CA2: variants seen among roughly 807,000 people sequenced by gnomAD.
CA2 encodes carbonic anhydrase 2.
Under a neutral mutation model 27.8 loss-of-function variants are expected in CA2, and 23 were observed. That is an observed-to-expected ratio of 0.83 (90% CI 0.59 to 1.17). The LOEUF (loss-of-function observed/expected upper bound fraction) is 1.17, where lower values mean the gene tolerates loss of function less well. CA2 is among the 50% of genes most tolerant of loss of function. The pLI is 0.00. For synonymous variants in CA2, 99 were observed against 114.9 expected (o/e 0.86, Z 0.88); for missense variants, 300 against 314.7 (o/e 0.95, Z 0.35).
rs771629930 is a variant in CA2 at position 85,465,488 on chromosome 8, A to G, written c.232+19A>G. 5.0e-6 allele frequency: 8 copies of G among 1,602,478 alleles called. No individual in the cohort carries two copies. In the East Asian group the frequency reaches 1.8e-4, roughly 36 times the overall value. On this transcript the variant is annotated intron_variant, in intron 2 of 6. Coordinates refer to ENST00000285379, the MANE Select transcript of CA2 (RefSeq NM_000067.3). Reference sequence around the variant, plus strand: ...AAAGCAGGTCAGTGTTTAGAAAATAACTTGTGTCTTTTAGCCAGTAGCTGT... The same window carrying G: ...AAAGCAGGTCAGTGTTTAGAAAATAGCTTGTGTCTTTTAGCCAGTAGCTGT...
chr8:85,480,414 G>T (rs190711531), intron 6 of CA2, among the ~76,000 whole-genome samples: 4 of 149,658 alleles, frequency 2.7e-5, no homozygotes, highest in Non-Finnish European at 5.9e-5. Flanking sequence ...GCTCTACCAC[G>T]CCTGTTTAAT....
intron 5 of CA2, among the ~76,000 whole-genome samples, chr8:85,476,641 A>G (rs774675240): frequency 6.6e-6 from 1 of 152,170 alleles, no homozygotes; most frequent in Non-Finnish European, 1.5e-5. Flanking sequence ...CCACCTTGTC[A>G]TTCTTCCAGT....
intron 6 of CA2, among the ~76,000 whole-genome samples, chr8:85,479,269 G>A (rs991506665): frequency 2.0e-5 from 3 of 152,100 alleles, no homozygotes; most frequent in Non-Finnish European, 4.4e-5. Context: ...AGCAGAAATC[G>A]GTTATACTGG....
rs766750361 is a variant in CA2 at position 85,478,714 on chromosome 8, G to A, written c.663+1439G>A. Among the ~76,000 whole-genome samples the A allele has an allele frequency of 3.9e-5, 6 of 152,024 alleles. No individual in the cohort carries two copies. The East Asian group carries it at 5.8e-4, about 15-fold the overall frequency. ...GTATATATTGGCAAAATACCAATAGGGCTCTTTTTTTTGTCCTATAACATG... is the reference window on the plus strand; with the variant it reads ...GTATATATTGGCAAAATACCAATAGAGCTCTTTTTTTTGTCCTATAACATG... On this transcript the variant is annotated intron_variant, in intron 6 of 6. Coordinates refer to ENST00000285379, the MANE Select transcript of CA2 (RefSeq NM_000067.3).
chr8:85,480,879 T>C lies in CA2; in HGVS notation c.*90T>C. 3 of 1,421,586 alleles carry C rather than the reference T, an allele frequency of 2.1e-6. No homozygotes were observed. Among genetic ancestry groups the C allele is most frequent in the Non-Finnish European group, 3.0e-6 (3 of 1,014,100 alleles). 88.1% of individuals were successfully genotyped at this position (1,421,586 alleles called of 1,614,324 possible). A position where few individuals can be genotyped will look rare whatever the true frequency, so the allele number is the denominator to read the frequency against. ...TCTACCTTGGTGATTTGGACCCTGG[T>C]TGCTTTGTGTCTAGTTTTCTAGACC... On this transcript the variant is annotated 3_prime_UTR_variant, in exon 7 of 7. Coordinates refer to ENST00000285379, the MANE Select transcript of CA2 (RefSeq NM_000067.3).
At chr8:85,464,159 ATCCCCG>A in intron 1 of CA2, 44 bp downstream of exon 1, 1 of 1,467,248 alleles carries the variant, frequency 6.8e-7, no homozygotes, top group Non-Finnish European at 9.2e-7. Flanking sequence ...CCGATCCCCG[ATCCCCG>A]ATCCCCGATC....
At chr8:85,465,167 TA>T in intron 1 of CA2, 104 bp from the exon 2 acceptor site, 2 of 899,874 alleles carry the variant, frequency 2.2e-6, no homozygotes, top group Non-Finnish European at 3.6e-6. Context: ...GTGATGCTTC[TA>T]AAATTGGAAC....
At chr8:85,480,559 A>T in intron 6 of CA2, 111 bp from the exon 7 acceptor site, 1 of 1,058,286 alleles carries the variant, frequency 9.4e-7, no homozygotes, top group Non-Finnish European at 1.4e-6. Context: ...CTGGGATTAC[A>T]GGCATGAGCC....
At chr8:85,474,487 A>C in intron 4 of CA2, 71 bp downstream of exon 4, 1 of 1,108,250 alleles carries the variant, frequency 9.0e-7, no homozygotes, top group Non-Finnish European at 1.4e-6. Context: ...TATTTGTAAC[A>C]TACAGGACAT....
chr8:85,465,685 T>C (rs550260141), intron 2 of CA2, among the ~76,000 whole-genome samples: 2 of 152,326 alleles, frequency 1.3e-5, no homozygotes, highest in Admixed American at 6.5e-5. Flanking sequence ...TGTAAAACCC[T>C]TGGCTTCTAT....
chr8:85,469,488 T>G (rs1225092431), intron 2 of CA2, among the ~76,000 whole-genome samples: 1 of 152,172 alleles, frequency 6.6e-6, no homozygotes, highest in Non-Finnish European at 1.5e-5. Flanking sequence ...TCTAAATTCC[T>G]TTGAAAATAA....
chr8:85,467,421 T>C (rs1178808813), intron 2 of CA2, among the ~76,000 whole-genome samples: 4 of 152,182 alleles, frequency 2.6e-5, no homozygotes, highest in African/African-American at 9.7e-5. Context: ...TGGGACAGTA[T>C]ATGTAAAGCC....
chr8:85,478,477 G>A (rs1345609532), intron 6 of CA2, among the ~76,000 whole-genome samples: 2 of 152,122 alleles, frequency 1.3e-5, no homozygotes, highest in Admixed American at 6.5e-5. Flanking sequence ...TTTAAAACAT[G>A]AATTTTTTTT....
intron 6 of CA2, among the ~76,000 whole-genome samples, 172 bp from the exon 7 acceptor site, chr8:85,480,498 A>T (rs954437747): frequency 1.3e-5 from 2 of 151,462 alleles, no homozygotes; most frequent in Non-Finnish European, 2.9e-5. Flanking sequence ...CTGGTCTCGA[A>T]TTGCTGACCT....
At chr8:85,472,757 G>A (rs1454246477) in intron 2 of CA2, among the ~76,000 whole-genome samples, 2 of 152,036 alleles carry the variant, frequency 1.3e-5, no homozygotes, top group Non-Finnish European at 2.9e-5. Context: ...TTAGGAGGCC[G>A]AGGTGGATGG....
At chr8:85,472,689 G>T (rs1811727777) in intron 2 of CA2, among the ~76,000 whole-genome samples, 1 of 152,110 alleles carries the variant, frequency 6.6e-6, no homozygotes, top group Non-Finnish European at 1.5e-5. Context: ...TAAGGTCAAA[G>T]AGGTTTAATA....
chr8:85,480,824 T>C lies in CA2; in HGVS notation c.*35T>C, dbSNP rs1811880291. 2 of 1,610,976 alleles carry C rather than the reference T, an allele frequency of 1.2e-6. No homozygotes were observed. The highest frequency in any genetic ancestry group is 1.7e-6 in the Non-Finnish European group (2 of 1,177,658). On this transcript the variant is annotated 3_prime_UTR_variant, in exon 7 of 7. Coordinates refer to ENST00000285379, the MANE Select transcript of CA2 (RefSeq NM_000067.3). ...ATAGTCTGTATCCAAATAATGAATCTTCGGGTGTTTCCCTTTAGCTAAGCA... is the reference window on the plus strand; with the variant it reads ...ATAGTCTGTATCCAAATAATGAATCCTCGGGTGTTTCCCTTTAGCTAAGCA...
intron 2 of CA2, among the ~76,000 whole-genome samples, chr8:85,467,088 C>T (rs1001069168): frequency 6.6e-6 from 1 of 152,144 alleles, no homozygotes; most frequent in Non-Finnish European, 1.5e-5. Context: ...TTGGATGCTA[C>T]ATAGAAATTG....
chr8:85,477,100 G>T lies in CA2; in HGVS notation c.508-20G>T, dbSNP rs375816876. 169 of 1,613,520 alleles carry T rather than the reference G, an allele frequency of 1.0e-4. No homozygotes were observed. Among genetic ancestry groups the T allele is most frequent in the Non-Finnish European group, 1.4e-4 (164 of 1,179,682 alleles). On this transcript the variant is annotated intron_variant, in intron 5 of 6. Coordinates refer to ENST00000285379, the MANE Select transcript of CA2 (RefSeq NM_000067.3). ...TCTGTCAATGTGATAGTTTGAAGCT[G>T]CGTATTTGCCTTGTTCTAGGGCAAG...
Sources: gnomAD v4.1 joint callset for allele counts (sites outside exome capture counted in the v4.1 genomes callset) on GRCh38, gnomAD v4.1.1 for gene constraint, MANE v1.5 for transcripts, NCBI Gene and HGNC (gene_info 2026-07-23, HGNC 2026-07-21) for gene names.